METAP1D: variants seen among roughly 807,000 people sequenced by gnomAD.
METAP1D encodes the protein methionine aminopeptidase 1D, mitochondrial.
In METAP1D, 31 loss-of-function variants were observed where a neutral mutation model predicts 40.5. The ratio of observed to expected loss-of-function variants is 0.77; its 90% confidence interval spans 0.58 to 1.03. The LOEUF (loss-of-function observed/expected upper bound fraction) is 1.03. METAP1D is among the 50% of genes least tolerant of loss of function. The pLI, the probability that METAP1D is intolerant of heterozygous loss-of-function variation, is 0.00. For synonymous variants in METAP1D, 151 were observed against 146.4 expected, an observed-to-expected ratio of 1.03 and a Z score of -0.22; for missense variants, 411 against 420.7, an observed-to-expected ratio of 0.98 and a Z score of 0.20.
In METAP1D at chr2:172,066,306, A is replaced by G. The variant is rs1163065143; in HGVS notation, c.540A>G (p.Thr180=). Reference sequence around the variant, plus strand: ...GAGATATTATCAACATTGATGTCACAGTGAGTAAATCATATAAAAAATTGT... The same window carrying G: ...GAGATATTATCAACATTGATGTCACGGTGAGTAAATCATATAAAAAATTGT... The part of the protein sequence containing the change: ...QDGDIINIDV[T]VYYNGYHGDT... Residue 180 remains threonine, a splice_region_variant and synonymous_variant, in exon 5 of 10, where the codon ACA becomes ACG. Transcript: ENST00000315796. 2 of 1,610,146 alleles carry G rather than the reference A, an allele frequency of 1.2e-6. No homozygotes were observed. Among genetic ancestry groups the G allele is most frequent in the Non-Finnish European group, 1.7e-6 (2 of 1,178,318 alleles).
chr2:172,017,453 G>T (rs1688901309), intron 1 of METAP1D, among the ~76,000 whole-genome samples: 1 of 151,378 alleles, frequency 6.6e-6, no homozygotes, highest in Non-Finnish European at 1.5e-5. Flanking sequence ...ATATATAAAA[G>T]GTGGCTCACG....
intron 7 of METAP1D, among the ~76,000 whole-genome samples, chr2:172,078,619 C>A (rs1487416873): frequency 6.6e-6 from 1 of 152,150 alleles, no homozygotes; most frequent in African/African-American, 2.4e-5. Flanking sequence ...CGGACCCATG[C>A]CCTCGAGGAT....
chr2:172,005,103 A>G (rs1395261918), intron 1 of METAP1D, among the ~76,000 whole-genome samples: 1 of 152,048 alleles, frequency 6.6e-6, no homozygotes, highest in East Asian at 1.9e-4. Flanking sequence ...TTTCATAAAG[A>G]CAGGTTATCA....
At chr2:172,065,355 T>G (rs1690247549) in intron 3 of METAP1D, among the ~76,000 whole-genome samples, 1 of 152,176 alleles carries the variant, frequency 6.6e-6, no homozygotes, top group Admixed American at 6.5e-5. Flanking sequence ...ACAAATGATT[T>G]AGAGGATCGT....
chr2:172,079,291 G>C, intron 8 of METAP1D, 29 bp downstream of exon 8: 2 of 1,612,494 alleles, frequency 1.2e-6, no homozygotes, highest in Non-Finnish European at 1.7e-6. Context: ...CCGAGTGAGT[G>C]CGTAGCTCCT....
At chr2:172,006,075 C>T (rs944898432) in intron 1 of METAP1D, among the ~76,000 whole-genome samples, 11 of 151,974 alleles carry the variant, frequency 7.2e-5, no homozygotes, top group Non-Finnish European at 1.0e-4. Flanking sequence ...AAGCTACTCA[C>T]ATTTTGTAAA....
intron 1 of METAP1D, among the ~76,000 whole-genome samples, chr2:172,051,119 A>T (rs1038092645): frequency 6.6e-6 from 1 of 152,212 alleles, no homozygotes; most frequent in Non-Finnish European, 1.5e-5. Context: ...GAGAAATTCC[A>T]TGCAATAGCC....
Position 172,061,582 on chromosome 2 carries a change from T to C in METAP1D, c.125T>C (p.Phe42Ser). ...AGTCAACAAAGAAGAAATTTCTTTT[T>C]TCGGAGACAAAGAGATATTTCACAC... Reference protein sequence around the residue: ...SSSQQRRNFFFRRQRDISHSI... With the variant: ...SSSQQRRNFFSRRQRDISHSI... The change falls in exon 2 of 10, where the codon TTT becomes TCT. Residue 42 changes from phenylalanine (F) to serine (S), a missense_variant. Phe to Ser is a radical substitution (Grantham distance 155, BLOSUM62 -2). Coordinates refer to ENST00000315796, the MANE Select transcript of METAP1D (RefSeq NM_199227.3). 1 of 1,614,098 alleles carries C rather than the reference T, an allele frequency of 6.2e-7. No homozygotes were observed. The highest frequency in any genetic ancestry group is 8.5e-7 in the Non-Finnish European group (1 of 1,179,986).
At chr2:172,012,763 A>G (rs1027964212) in intron 1 of METAP1D, among the ~76,000 whole-genome samples, 2 of 152,210 alleles carry the variant, frequency 1.3e-5, no homozygotes, top group South Asian at 2.1e-4. Context: ...AATGAGATTC[A>G]TACTGCTTAT....
chr2:172,066,914 A>G (rs1690298261), intron 5 of METAP1D, among the ~76,000 whole-genome samples: 1 of 152,230 alleles, frequency 6.6e-6, no homozygotes, highest in African/African-American at 2.4e-5. Flanking sequence ...CAAAGTAAGC[A>G]GAGTGGTTTT....
chr2:172,021,027 TAA>T (rs974860622), intron 1 of METAP1D, among the ~76,000 whole-genome samples: 6 of 152,038 alleles, frequency 3.9e-5, no homozygotes, highest in Admixed American at 3.9e-4. Context: ...TTACTACTAT[TAA>T]AAAAAGCCAC....
At chr2:172,049,301 A>G (rs937799214) in intron 1 of METAP1D, among the ~76,000 whole-genome samples, 1 of 151,622 alleles carries the variant, frequency 6.6e-6, no homozygotes, top group Non-Finnish European at 1.5e-5. Flanking sequence ...TAGTACAAAA[A>G]GTAACAGATA....
At chr2:172,021,807 TGAG>T (rs1689014248) in intron 1 of METAP1D, 1 of 152,012 alleles carries the variant, frequency 6.6e-6, no homozygotes, top group South Asian at 2.1e-4. Flanking sequence ...CCATGCAGAA[TGAG>T]GAGAGGGGAA....
chr2:172,024,850 A>G (rs918442312), intron 1 of METAP1D, among the ~76,000 whole-genome samples: 5 of 151,998 alleles, frequency 3.3e-5, no homozygotes, highest in African/African-American at 9.7e-5. Flanking sequence ...CAAACTTTTA[A>G]AAGCTAATGA....
intron 1 of METAP1D, among the ~76,000 whole-genome samples, chr2:172,045,807 GTGTGTGTGTGTGTATATATATATATATA>G (rs1689737575): frequency 1.9e-5 from 1 of 52,856 alleles, no homozygotes; most frequent in Non-Finnish European, 3.5e-5. Context: ...ATGTGTGTGT[GTGTGTGTGTGTGTATATATATATATATA>G]TATATATATA....
At chr2:172,073,540 A>G (rs1184621297) in intron 6 of METAP1D, among the ~76,000 whole-genome samples, 1 of 152,230 alleles carries the variant, frequency 6.6e-6, no homozygotes, top group Non-Finnish European at 1.5e-5. Flanking sequence ...ACTTAAAAAA[A>G]CTATGTGGAA....
rs1365946321 is a variant in METAP1D at position 172,041,727 on chromosome 2, TATATA to T, written c.41-19770_41-19766del. ...TTTAATTTCCTTACTCTAATTATTT[TATATA>T]TATATATATATATATATATATATAT... On this transcript the variant is annotated intron_variant, in intron 1 of 9. Transcript: ENST00000315796. Among the ~76,000 whole-genome samples, 7 of 2,946 alleles carry T rather than the reference TATATA, an allele frequency of 2.4e-3. 1 individual carries two copies. Among genetic ancestry groups the T allele is most frequent in the Admixed American group, 7.3e-3 (2 of 274 alleles). 1.9% of individuals were successfully genotyped at this position (2,946 alleles called of 152,430 possible).
chr2:172,037,293 G>A (rs1484497214), intron 1 of METAP1D, among the ~76,000 whole-genome samples: 1 of 151,698 alleles, frequency 6.6e-6, no homozygotes, highest in Admixed American at 6.6e-5. Flanking sequence ...GTTTTACTTG[G>A]GGTGTGTGTG....
intron 1 of METAP1D, among the ~76,000 whole-genome samples, chr2:172,037,538 C>G (rs1457855425): frequency 6.6e-6 from 1 of 152,192 alleles, no homozygotes; most frequent in African/African-American, 2.4e-5. Context: ...CTAATGAACT[C>G]TTAAGACATG....
Sources: allele counts gnomAD v4.1 joint callset (sites outside exome capture counted in the v4.1 genomes callset), GRCh38; gene constraint gnomAD v4.1.1; transcripts MANE v1.5; gene names NCBI Gene and HGNC (gene_info 2026-07-23, HGNC 2026-07-21).